The following ADGRV1 variants were observed in gnomAD, a reference collection of about 807,000 sequenced individuals.
The protein encoded by ADGRV1 is G-protein coupled receptor 98.
Under a neutral mutation model 596.2 loss-of-function variants are expected in ADGRV1, and 359 were observed. The observed-to-expected ratio is 0.60, with a 90% CI of 0.55 to 0.66. ADGRV1 has a LOEUF of 0.66. ADGRV1 is among the 30% of genes least tolerant of loss of function. The probability of loss-of-function intolerance (pLI) is 0.00; values close to 1 mark genes in which losing one functional copy is unlikely to be tolerated. For missense variants in ADGRV1, 7,274 were observed against 7,575.6 expected, an observed-to-expected ratio of 0.96 and a Z score of 1.48; for synonymous variants, 2,681 against 2,679.2, an observed-to-expected ratio of 1.00 and a Z score of -0.02.
intron 65 of ADGRV1, 27 bp from the exon 66 acceptor site, chr5:90,783,097 C>T (rs755356652): frequency 5.6e-6 from 9 of 1,593,756 alleles, no homozygotes; most frequent in Non-Finnish European, 7.7e-6. Flanking sequence ...GTCTGGCTTA[C>T]CAATTAATTC....
chr5:90,587,553 G>A (rs13153138), intron 1 of ADGRV1, among the ~76,000 whole-genome samples: 21,170 of 127,508 alleles, frequency 0.17, 2,201 homozygotes, highest in African/African-American at 0.36. Flanking sequence ...TCTTTTCTGT[G>A]TCTTTTTTTT....
chr5:91,151,893 T>A (rs144110337), intron 88 of ADGRV1, among the ~76,000 whole-genome samples: 3 of 152,374 alleles, frequency 2.0e-5, no homozygotes, highest in East Asian at 3.9e-4. Flanking sequence ...TTTTTAAGGT[T>A]CATCTTTTCC....
At position 90,789,718 on chromosome 5, in the gene ADGRV1, AC is replaced by A. The variant is rs1264269542; in HGVS notation, c.13913del (p.Pro4638GlnfsTer49). On this transcript the variant is annotated frameshift_variant, in exon 69 of 90. Transcript: ENST00000405460. LOFTEE classifies it high-confidence loss of function. ...ATTTTTTAGATACAAGAGTTTGGTG[AC>A]CCAAATGGAGTTGTTCAGTTTGCTC... ...DVTLTIQEFG[D>X]PNGVVQFAPE... The A allele has an allele frequency of 1.3e-6, 2 of 1,553,602 alleles. No individual in the cohort carries two copies. The highest frequency in any genetic ancestry group is 3.8e-5 in the Admixed American group (2 of 52,816).
intron 83 of ADGRV1, among the ~76,000 whole-genome samples, chr5:90,900,853 C>A (rs1771772277): frequency 6.6e-6 from 1 of 152,068 alleles, no homozygotes; most frequent in South Asian, 2.1e-4. Context: ...AAATATGTCC[C>A]CTACCCCAAA....
chr5:91,049,011 T>C (rs1293346896), intron 85 of ADGRV1, among the ~76,000 whole-genome samples: 1 of 152,080 alleles, frequency 6.6e-6, no homozygotes, highest in Non-Finnish European at 1.5e-5. Flanking sequence ...CCCAGGCCTA[T>C]TGGTGTGACT....
chr5:90,784,675 C>G (rs1231852115), intron 67 of ADGRV1, among the ~76,000 whole-genome samples: 3 of 152,070 alleles, frequency 2.0e-5, no homozygotes, highest in African/African-American at 7.2e-5. Context: ...AAGGGGATAA[C>G]AGCACAGGAT....
At chr5:90,761,768 G>A (rs1474141851) in intron 58 of ADGRV1, among the ~76,000 whole-genome samples, 1 of 152,186 alleles carries the variant, frequency 6.6e-6, no homozygotes, top group African/African-American at 2.4e-5. Flanking sequence ...AATATGTAAA[G>A]CATGCGTGCT....
rs138831601 is a variant in ADGRV1, at chr5:90,768,829, C to A, written c.12286-5357C>A. 3.9e-5 allele frequency among the ~76,000 whole-genome samples: 6 copies of A among 152,164 alleles called. No homozygotes were observed. The East Asian group carries it at 7.7e-4, about 20-fold the overall frequency. ...GGGAGAAAATTATGAGGTGGAGATT[C>A]GTGTCCAGAGGCTTTTTAGGAAGTG... On this transcript the variant is annotated intron_variant, in intron 59 of 89. Coordinates refer to ENST00000405460, the MANE Select transcript of ADGRV1 (RefSeq NM_032119.4).
chr5:90,620,874 C>T (rs2152062256), intron 4 of ADGRV1, among the ~76,000 whole-genome samples: 1 of 152,286 alleles, frequency 6.6e-6, no homozygotes, highest in African/African-American at 2.4e-5. Flanking sequence ...GCAGGTATTA[C>T]ATCTCTTCAA....
chr5:90,716,940 G>A, intron 43 of ADGRV1: 1 of 386,040 alleles, frequency 2.6e-6, no homozygotes. Context: ...TATTAATAGG[G>A]TAAAAGAATA....
intron 32 of ADGRV1, among the ~76,000 whole-genome samples, chr5:90,693,482 C>T (rs376896140): frequency 2.7e-4 from 41 of 151,018 alleles, no homozygotes; most frequent in Middle Eastern, 3.2e-3. Context: ...TTTTGATCTG[C>T]GGTCTTGAAT....
chr5:90,886,064 A>G (rs528331401), intron 83 of ADGRV1, among the ~76,000 whole-genome samples: 2 of 152,302 alleles, frequency 1.3e-5, no homozygotes, highest in South Asian at 4.1e-4. Context: ...AGAAGGCACC[A>G]ATGATCCTGT....
At chr5:90,704,219 T>G (rs750313074) in intron 35 of ADGRV1, among the ~76,000 whole-genome samples, 170 bp from the exon 36 acceptor site, 1 of 152,220 alleles carries the variant, frequency 6.6e-6, no homozygotes, top group Non-Finnish European at 1.5e-5. Flanking sequence ...TGCTTGGAGC[T>G]TAGGTTCCCA....
chr5:90,832,856 G>A (rs533282526), intron 77 of ADGRV1, among the ~76,000 whole-genome samples: 8 of 152,134 alleles, frequency 5.3e-5, no homozygotes. Context: ...TGAAGAGACT[G>A]CCCTTTTTCC....
intron 83 of ADGRV1, among the ~76,000 whole-genome samples, chr5:90,882,387 T>C (rs1217039793): frequency 6.6e-6 from 1 of 152,238 alleles, no homozygotes; most frequent in Non-Finnish European, 1.5e-5. Flanking sequence ...ACCTTTTTAA[T>C]TCCTATTTCC....
At chr5:91,136,567 C>G (rs1019638776) in intron 87 of ADGRV1, among the ~76,000 whole-genome samples, 1 of 152,188 alleles carries the variant, frequency 6.6e-6, no homozygotes, top group Non-Finnish European at 1.5e-5. Flanking sequence ...TGTGCAAATT[C>G]TTTTAGTAGT....
At chr5:91,014,734 G>A (rs2151163035) in intron 85 of ADGRV1, among the ~76,000 whole-genome samples, 1 of 151,912 alleles carries the variant, frequency 6.6e-6, no homozygotes, top group Non-Finnish European at 1.5e-5. Flanking sequence ...GAGGGGCAGT[G>A]GTAACATCCC....
At chr5:90,850,457 A>G (rs1766373143) in intron 79 of ADGRV1, among the ~76,000 whole-genome samples, 1 of 152,178 alleles carries the variant, frequency 6.6e-6, no homozygotes, top group Non-Finnish European at 1.5e-5. Flanking sequence ...AATGTCTCTA[A>G]TGCTGTCTTC....
intron 83 of ADGRV1, among the ~76,000 whole-genome samples, chr5:90,921,456 C>T (rs1773868276): frequency 6.6e-6 from 1 of 152,102 alleles, no homozygotes; most frequent in Non-Finnish European, 1.5e-5. Context: ...TTTCTCAGAT[C>T]CAGGACTGTC....
Sources: allele counts gnomAD v4.1 joint callset (sites outside exome capture counted in the v4.1 genomes callset), GRCh38; gene constraint gnomAD v4.1.1; transcripts MANE v1.5; gene names NCBI Gene and HGNC (gene_info 2026-07-23, HGNC 2026-07-21).